RASSF8: variants seen among roughly 807,000 people sequenced by gnomAD.
The protein encoded by RASSF8 is Ras association domain family member 8.
In RASSF8, 22 loss-of-function variants were observed where a neutral mutation model predicts 48.5. That is an observed-to-expected ratio of 0.45 (90% CI 0.32 to 0.65). The LOEUF is 0.65. Among genes scored for constraint, RASSF8 ranks in the 30% least tolerant of loss-of-function variants. RASSF8 has a pLI of 0.03. For missense variants in RASSF8, 418 were observed against 489.2 expected (o/e 0.85, Z 1.37); for synonymous variants, 127 against 171.5 (o/e 0.74, Z 2.03).
intron 3 of RASSF8, among the ~76,000 whole-genome samples, chr12:26,055,649 T>C (rs2137243469): frequency 6.6e-6 from 1 of 152,152 alleles, no homozygotes; most frequent in African/African-American, 2.4e-5. Context: ...TAGATTTTAC[T>C]AACCCTGAGT....
intron 1 of RASSF8, among the ~76,000 whole-genome samples, chr12:25,984,751 G>A (rs1012750090): frequency 1.3e-5 from 2 of 152,172 alleles, no homozygotes; most frequent in African/African-American, 4.8e-5. Context: ...GGAGCTTCAA[G>A]GTAACTTTTT....
chr12:25,984,670 C>T (rs1335139626), intron 1 of RASSF8, among the ~76,000 whole-genome samples: 2 of 152,130 alleles, frequency 1.3e-5, no homozygotes, highest in African/African-American at 2.4e-5. Context: ...CAAGGGTACA[C>T]ACAAAATTAA....
At chr12:26,021,617 G>A (rs184359527) in intron 2 of RASSF8, 1 of 152,322 alleles carries the variant, frequency 6.6e-6, no homozygotes, top group Non-Finnish European at 1.5e-5. Flanking sequence ...AGAATACTGG[G>A]GCTCTAATTG....
intron 2 of RASSF8, among the ~76,000 whole-genome samples, chr12:26,043,757 G>A (rs1175497349): frequency 6.6e-6 from 1 of 152,162 alleles, no homozygotes; most frequent in African/African-American, 2.4e-5. Flanking sequence ...AAGAATGGAC[G>A]ATTGCTATGC....
Position 26,053,973 on chromosome 12 carries a change from G to A in RASSF8, c.-108-1263G>A, listed in dbSNP as rs183019256. Among the ~76,000 whole-genome samples, 218 of 152,282 alleles carry A rather than the reference G, an allele frequency of 1.4e-3. 1 individual carries two copies. The highest frequency in any genetic ancestry group is 3.4e-3 in the Middle Eastern group (1 of 294). On this transcript the variant is annotated intron_variant, in intron 2 of 5. Coordinates refer to ENST00000689635, the MANE Select transcript of RASSF8 (RefSeq NM_001394098.1). ...TTAGGTCTTTTAAAAGAATGTGCAA[G>A]GGACTAAGCCACTGTTTGTAGTAAC...
chr12:25,970,315 A>G (rs1464209374), intron 1 of RASSF8, among the ~76,000 whole-genome samples: 1 of 151,974 alleles, frequency 6.6e-6, no homozygotes, highest in Non-Finnish European at 1.5e-5. Flanking sequence ...ACTATGTGTC[A>G]GTTTCTCGGG....
In RASSF8 at chr12:26,011,883, C is replaced by T. The variant is rs548820846; in HGVS notation, c.-109+16753C>T. On this transcript the variant is annotated intron_variant, in intron 2 of 5. Transcript: ENST00000689635. ...GTTTATGGTATTTATTATATTAGCCCAAATGGACTAACACAGTGACTCATG... is the reference window on the plus strand; with the variant it reads ...GTTTATGGTATTTATTATATTAGCCTAAATGGACTAACACAGTGACTCATG... The T allele has an allele frequency of 4.6e-5, 7 of 152,208 alleles. No individual in the cohort carries two copies. In the East Asian group the frequency reaches 5.8e-4, roughly 13 times the overall value. The allele number at this position is 152,208 out of a possible 1,614,324, so 9.4% of individuals were successfully genotyped here. A position where few individuals can be genotyped will look rare whatever the true frequency, so the allele number is the denominator to read the frequency against.
At chr12:26,000,363 G>C (rs945179011) in intron 2 of RASSF8, among the ~76,000 whole-genome samples, 1 of 152,018 alleles carries the variant, frequency 6.6e-6, no homozygotes, top group African/African-American at 2.4e-5. Context: ...ATGTTAAATG[G>C]AATAATTCCT....
chr12:25,983,735 G>A (rs1220812422), intron 1 of RASSF8, among the ~76,000 whole-genome samples: 1 of 152,148 alleles, frequency 6.6e-6, no homozygotes, highest in African/African-American at 2.4e-5. Flanking sequence ...AACATGGATT[G>A]TAGAAAGCAT....
chr12:25,968,501 C>T (rs1223697208), intron 1 of RASSF8, among the ~76,000 whole-genome samples: 1 of 152,162 alleles, frequency 6.6e-6, no homozygotes, highest in African/African-American at 2.4e-5. Flanking sequence ...TACCACCACA[C>T]CCAGCTAATT....
At chr12:26,079,055 G>T (rs2137359381) in exon 6 of RASSF8, 1 of 1,546,626 alleles carries the variant, frequency 6.5e-7, no homozygotes, top group East Asian at 2.5e-5. Flanking sequence ...TTTCTGATAA[G>T]CAGGAGTGTA....
At chr12:26,015,340 A>G (rs967879434) in intron 2 of RASSF8, among the ~76,000 whole-genome samples, 3 of 152,224 alleles carry the variant, frequency 2.0e-5, no homozygotes, top group African/African-American at 7.2e-5. Flanking sequence ...GGAATGTTTG[A>G]GCCAAAGACC....
intron 1 of RASSF8, among the ~76,000 whole-genome samples, chr12:25,968,905 G>A (rs1565597275): frequency 6.6e-6 from 1 of 152,212 alleles, no homozygotes; most frequent in Non-Finnish European, 1.5e-5. Context: ...TGGATAGGAA[G>A]CCCTTGCTAA....
downstream of RASSF8, among the ~76,000 whole-genome samples, chr12:26,073,730 A>ACTCTCTCTCTCTCTCTCT (rs1555171917): frequency 7.2e-6 from 1 of 138,158 alleles, no homozygotes; most frequent in Non-Finnish European, 1.5e-5. Context: ...CAAAAGCGAG[A>ACTCTCTCTCTCTCTCTCT]CTCTCTCTCT....
chr12:25,987,322 G>A (rs1273931791), intron 1 of RASSF8, among the ~76,000 whole-genome samples: 1 of 152,224 alleles, frequency 6.6e-6, no homozygotes. Flanking sequence ...CATCTTGTGA[G>A]CTATGCGGTC....
intron 2 of RASSF8, among the ~76,000 whole-genome samples, chr12:26,046,547 A>T (rs974971366): frequency 2.0e-5 from 3 of 152,242 alleles, no homozygotes; most frequent in African/African-American, 7.2e-5. Flanking sequence ...AGGATTAAAT[A>T]AAAGGGTGCC....
intron 1 of RASSF8, among the ~76,000 whole-genome samples, chr12:25,975,211 A>G (rs1941577650): frequency 6.6e-6 from 1 of 152,290 alleles, no homozygotes; most frequent in Non-Finnish European, 1.5e-5. Flanking sequence ...GTCCAAAAGC[A>G]CAGGATATAA....
In RASSF8 at chr12:26,071,357, G is replaced by A; in HGVS notation, c.*2539G>A. On this transcript the variant is annotated 3_prime_UTR_variant, in exon 6 of 6. Coordinates refer to ENST00000689635, the MANE Select transcript of RASSF8 (RefSeq NM_001394098.1). ...ACCAAATATAAAATTTTCATCTGGG[G>A]GAATGTTCAGGTTCTAAATACTAAA... is the stretch of plus-strand genomic sequence containing the variant. 6 of 961,850 alleles carry A rather than the reference G, an allele frequency of 6.2e-6. No homozygotes were observed. The highest frequency in any genetic ancestry group is 4.9e-6 in the Non-Finnish European group (4 of 808,878). 59.6% of individuals were successfully genotyped at this position (961,850 alleles called of 1,614,324 possible).
chr12:25,971,184 A>G (rs892006879), intron 1 of RASSF8, among the ~76,000 whole-genome samples: 2 of 152,174 alleles, frequency 1.3e-5, no homozygotes, highest in Admixed American at 1.3e-4. Context: ...ATAACTGATT[A>G]TGTCCTTGCT....
Sources: allele counts gnomAD v4.1 joint callset (sites outside exome capture counted in the v4.1 genomes callset), GRCh38; gene constraint gnomAD v4.1.1; transcripts MANE v1.5; gene names NCBI Gene and HGNC (gene_info 2026-07-23, HGNC 2026-07-21).